Variants in PHLDB2 observed in about 807,000 individuals in gnomAD.
PHLDB2 encodes pleckstrin homology like domain family B member 2.
Under a neutral mutation model 123.6 loss-of-function variants are expected in PHLDB2, and 71 were observed. The ratio of observed to expected loss-of-function variants is 0.57; its 90% CI spans 0.47 to 0.70. The LOEUF (loss-of-function observed/expected upper bound fraction) is 0.70. Ranked by LOEUF, PHLDB2 falls within the 30% of genes least tolerant of loss-of-function variation. The pLI is 0.00. For synonymous variants in PHLDB2, 547 were observed against 541.6 expected (o/e 1.01, Z -0.14); for missense variants, 1,446 against 1,519.5 (o/e 0.95, Z 0.80).
At chr3:111,970,450 C>T (rs1288964171) in intron 16 of PHLDB2, among the ~76,000 whole-genome samples, 2 of 152,114 alleles carry the variant, frequency 1.3e-5, no homozygotes, top group Non-Finnish European at 2.9e-5. Flanking sequence ...ATTAGGCAGC[C>T]GTAGCTGAAA....
chr3:111,800,779 T>C (rs1436681332), intron 1 of PHLDB2, among the ~76,000 whole-genome samples: 1 of 152,224 alleles, frequency 6.6e-6, no homozygotes, highest in Non-Finnish European at 1.5e-5. Context: ...TTTTACTTCA[T>C]AAAATCCAGT....
chr3:111,933,063 C>T (rs1257795925), intron 6 of PHLDB2, among the ~76,000 whole-genome samples: 3 of 152,210 alleles, frequency 2.0e-5, no homozygotes, highest in Non-Finnish European at 4.4e-5. Flanking sequence ...AACACAACCA[C>T]ACTGGTTATC....
intron 2 of PHLDB2, among the ~76,000 whole-genome samples, chr3:111,904,584 G>A (rs781307691): frequency 4.9e-4 from 74 of 152,226 alleles, no homozygotes; most frequent in Admixed American, 1.3e-3. Flanking sequence ...TGGGAGTTTG[G>A]GTGTGGTGGG....
At chr3:111,853,444 G>A (rs1459226841) in intron 2 of PHLDB2, among the ~76,000 whole-genome samples, 1 of 152,302 alleles carries the variant, frequency 6.6e-6, no homozygotes, top group Non-Finnish European at 1.5e-5. Flanking sequence ...GACAGTCAGT[G>A]TATAACTCAA....
chr3:111,819,662 T>G (rs145887292), intron 1 of PHLDB2, among the ~76,000 whole-genome samples: 91 of 152,274 alleles, frequency 6.0e-4, no homozygotes, highest in African/African-American at 1.5e-3. Flanking sequence ...ATGAGTACAT[T>G]CTCTATGGAT....
At chr3:111,733,787 A>G (rs1362155174) in intron 1 of PHLDB2, among the ~76,000 whole-genome samples, 2 of 152,236 alleles carry the variant, frequency 1.3e-5, no homozygotes, top group African/African-American at 2.4e-5. Flanking sequence ...AAGTCTGAAT[A>G]TAACTCCTCT....
At chr3:111,800,156 C>A (rs962999980) in intron 1 of PHLDB2, among the ~76,000 whole-genome samples, 1 of 152,112 alleles carries the variant, frequency 6.6e-6, no homozygotes, top group African/African-American at 2.4e-5. Flanking sequence ...CAGGCATGCA[C>A]CACCATGCCC....
chr3:111,943,140 G>A (rs779328435), intron 8 of PHLDB2, among the ~76,000 whole-genome samples: 10 of 152,036 alleles, frequency 6.6e-5, no homozygotes, highest in Non-Finnish European at 5.9e-5. Flanking sequence ...TTATTTCAAG[G>A]TTTACTCTGG....
intron 12 of PHLDB2, chr3:111,957,140 G>T (rs2071108239): frequency 6.6e-6 from 1 of 152,610 alleles, no homozygotes; most frequent in Non-Finnish European, 1.5e-5. Flanking sequence ...TTCTGAAGTT[G>T]GAATGGTTAT....
At chr3:111,812,565 T>C (rs1017723981) in intron 1 of PHLDB2, among the ~76,000 whole-genome samples, 2 of 152,160 alleles carry the variant, frequency 1.3e-5, no homozygotes. Flanking sequence ...AGCTGGCTTC[T>C]TCTACACTAT....
intron 1 of PHLDB2, among the ~76,000 whole-genome samples, chr3:111,743,612 C>G (rs966900264): frequency 1.3e-5 from 2 of 152,170 alleles, no homozygotes; most frequent in Non-Finnish European, 2.9e-5. Context: ...ACATGACCAA[C>G]CCAGCCCCCA....
chr3:111,811,174 T>C (rs150615689), intron 1 of PHLDB2, among the ~76,000 whole-genome samples: 24 of 152,326 alleles, frequency 1.6e-4, no homozygotes, highest in Non-Finnish European at 2.8e-4. Flanking sequence ...TAAAGCCTCC[T>C]ATAAAAATGT....
At chr3:111,925,074 C>T (rs1007991245) in intron 5 of PHLDB2, among the ~76,000 whole-genome samples, 7 of 152,150 alleles carry the variant, frequency 4.6e-5, no homozygotes, top group African/African-American at 1.7e-4. Context: ...GGTGATCTGC[C>T]TGCCTTGGCC....
intron 1 of PHLDB2, among the ~76,000 whole-genome samples, chr3:111,785,741 T>C (rs1361385195): frequency 6.6e-6 from 1 of 152,158 alleles, no homozygotes; most frequent in Non-Finnish European, 1.5e-5. Context: ...GTCATAATTC[T>C]ACTACTCTTC....
intron 9 of PHLDB2, among the ~76,000 whole-genome samples, chr3:111,947,707 C>A (rs570048064): frequency 3.9e-5 from 6 of 152,310 alleles, no homozygotes; most frequent in South Asian, 4.1e-4. Flanking sequence ...ACCTAGTTGA[C>A]TACTTCTTTT....
At chr3:111,780,402 A>AGAAGAAGAAGAAGAAGAAGAAGAAG (rs751320904) in intron 1 of PHLDB2, among the ~76,000 whole-genome samples, 2 of 145,814 alleles carry the variant, frequency 1.4e-5, no homozygotes, top group Non-Finnish European at 3.0e-5. Context: ...AAGAAGAAGA[A>AGAAGAAGAAGAAGAAGAAGAAGAAG]GAAGAAGAAA....
intron 1 of PHLDB2, among the ~76,000 whole-genome samples, chr3:111,747,413 A>C (rs903251563): frequency 3.3e-5 from 5 of 152,100 alleles, no homozygotes; most frequent in Non-Finnish European, 7.4e-5. Flanking sequence ...ATATTTATAA[A>C]TATATTTACA....
intron 1 of PHLDB2, among the ~76,000 whole-genome samples, chr3:111,751,304 A>T (rs150370440): frequency 1.3e-5 from 2 of 152,258 alleles, no homozygotes; most frequent in African/African-American, 4.8e-5. Context: ...CACATAATGA[A>T]CACTCAAGAA....
At chr3:111,756,557 G>A (rs1318413852) in intron 1 of PHLDB2, among the ~76,000 whole-genome samples, 1 of 152,124 alleles carries the variant, frequency 6.6e-6, no homozygotes, top group Non-Finnish European at 1.5e-5. Context: ...CACGTGAGAT[G>A]GATTTACTGC....
Sources: gnomAD v4.1 joint callset for allele counts (sites outside exome capture counted in the v4.1 genomes callset) on GRCh38, gnomAD v4.1.1 for gene constraint, MANE v1.5 for transcripts, NCBI Gene and HGNC (gene_info 2026-07-23, HGNC 2026-07-21) for gene names.